ARHGAP10: variants seen among roughly 807,000 people sequenced by gnomAD.
ARHGAP10 encodes rho GTPase-activating protein 10.
ARHGAP10 carries 87 observed loss-of-function variants against 108.6 expected under a neutral mutation model. The observed-to-expected ratio is 0.80, with a 90% CI of 0.67 to 0.96. The LOEUF (loss-of-function observed/expected upper bound fraction) is 0.96. Among genes scored for constraint, ARHGAP10 ranks in the 40% least tolerant of loss-of-function variants. The pLI, the probability that ARHGAP10 is intolerant of heterozygous loss-of-function variation, is 0.00. For synonymous variants in ARHGAP10, 347 were observed against 341.1 expected (o/e 1.02, Z -0.19); for missense variants, 939 against 954.5 (o/e 0.98, Z 0.21).
At chr4:147,976,899 G>A (rs1003056406) in intron 18 of ARHGAP10, among the ~76,000 whole-genome samples, 1 of 152,208 alleles carries the variant, frequency 6.6e-6, no homozygotes, top group Non-Finnish European at 1.5e-5. Context: ...ATTCTGTGTT[G>A]TCTGAGAAAG....
At chr4:148,070,263 G>A (rs1041157727) in intron 22 of ARHGAP10, among the ~76,000 whole-genome samples, 6 of 152,190 alleles carry the variant, frequency 3.9e-5, no homozygotes, top group Non-Finnish European at 7.3e-5. Context: ...TCCTGGAAGT[G>A]GGGGGATGCT....
chr4:147,845,641 C>T lies in ARHGAP10; in HGVS notation c.313-1510C>T, dbSNP rs143305866. Among the ~76,000 whole-genome samples, 82 of 152,142 alleles carry T rather than the reference C, an allele frequency of 5.4e-4. No homozygotes were observed. The South Asian group carries it at 8.3e-3, about 15-fold the overall frequency. ...GTGATCCCTGCAGTTCATTCTGGGC[C>T]GACTTCTTTCTTGAGTGTACCAGTT... On this transcript the variant is annotated intron_variant, in intron 3 of 22. Coordinates refer to ENST00000336498, the MANE Select transcript of ARHGAP10 (RefSeq NM_024605.4).
intron 1 of ARHGAP10, among the ~76,000 whole-genome samples, chr4:147,756,130 C>CA (rs11355244): frequency 0.021 from 2,012 of 95,842 alleles, 39 homozygotes; most frequent in African/African-American, 0.068. Flanking sequence ...TACTAGGAGG[C>CA]AAAAAAAAAA....
At chr4:147,939,928 T>G (rs201248212) in intron 14 of ARHGAP10, 29 bp downstream of exon 14, 54 of 1,558,264 alleles carry the variant, frequency 3.5e-5, no homozygotes, top group Non-Finnish European at 4.3e-5. Flanking sequence ...CATTTTTCCA[T>G]GTGTTATTTG....
At chr4:147,769,036 C>G (rs1361737038) in intron 1 of ARHGAP10, among the ~76,000 whole-genome samples, 1 of 151,950 alleles carries the variant, frequency 6.6e-6, no homozygotes, top group Non-Finnish European at 1.5e-5. Flanking sequence ...CTGCGTCCAG[C>G]CTTCATTCAG....
intron 5 of ARHGAP10, among the ~76,000 whole-genome samples, chr4:147,860,042 T>C (rs933527573): frequency 6.6e-6 from 1 of 152,228 alleles, no homozygotes; most frequent in African/African-American, 2.4e-5. Flanking sequence ...ATGCTAATTT[T>C]CAGTGAATTG....
chr4:147,874,562 T>G (rs1239821468), intron 7 of ARHGAP10, among the ~76,000 whole-genome samples: 2 of 152,232 alleles, frequency 1.3e-5, no homozygotes, highest in African/African-American at 2.4e-5. Flanking sequence ...AAAGAAGAAT[T>G]AAACTTTTTC....
chr4:147,967,356 G>A (rs1243215519), intron 18 of ARHGAP10, among the ~76,000 whole-genome samples: 1 of 152,230 alleles, frequency 6.6e-6, no homozygotes, highest in African/African-American at 2.4e-5. Flanking sequence ...CTTGCAAAGA[G>A]TCTTTCTGGT....
At chr4:147,962,766 C>T (rs925633833) in intron 16 of ARHGAP10, among the ~76,000 whole-genome samples, 2 of 152,112 alleles carry the variant, frequency 1.3e-5, no homozygotes, top group Non-Finnish European at 2.9e-5. Flanking sequence ...TGGGTTCAGG[C>T]ACTTTTCCCA....
chr4:147,764,210 A>G (rs1463160824), intron 1 of ARHGAP10, among the ~76,000 whole-genome samples: 1 of 152,158 alleles, frequency 6.6e-6, no homozygotes, highest in Non-Finnish European at 1.5e-5. Flanking sequence ...TGTTTGGGGT[A>G]TTGATCGAGC....
At chr4:147,949,859 G>A (rs751822456) in intron 15 of ARHGAP10, among the ~76,000 whole-genome samples, 17 of 151,978 alleles carry the variant, frequency 1.1e-4, no homozygotes, top group Non-Finnish European at 1.6e-4. Flanking sequence ...CCTCCATTCC[G>A]TATGGTTCTT....
intron 1 of ARHGAP10, among the ~76,000 whole-genome samples, chr4:147,800,180 T>G (rs1042645876): frequency 3.3e-5 from 5 of 152,106 alleles, no homozygotes; most frequent in Admixed American, 1.3e-4. Flanking sequence ...TGTCTCCCAG[T>G]GGGGGAAACG....
intron 18 of ARHGAP10, among the ~76,000 whole-genome samples, chr4:148,018,915 C>G (rs917612547): frequency 6.6e-6 from 1 of 152,188 alleles, no homozygotes; most frequent in Non-Finnish European, 1.5e-5. Context: ...ATGTGTGGAA[C>G]AGTACTTACC....
rs575201109 is a variant in ARHGAP10, at chr4:147,877,345, G to A, written c.833-1887G>A. On this transcript the variant is annotated intron_variant, in intron 8 of 22. Transcript: ENST00000336498. ...CAATGTTTCCCAAATTCAGGTCTTT[G>A]GACTGATGATGGTCTGAGATAAAAT... Among the ~76,000 whole-genome samples, 69 of 152,088 alleles carry A rather than the reference G, an allele frequency of 4.5e-4. 1 individual carries two copies. In the South Asian group the frequency reaches 0.014, roughly 30 times the overall value.
chr4:148,026,010 T>G lies in ARHGAP10; in HGVS notation c.1867+2597T>G, dbSNP rs759502159. On this transcript the variant is annotated intron_variant, in intron 19 of 22. Coordinates refer to ENST00000336498, the MANE Select transcript of ARHGAP10 (RefSeq NM_024605.4). ...GTGACTCATTGTAGTGTAAGTTAAT[T>G]TGAATTAATTAAATACAGGATGAAT... 8.7e-4 allele frequency among the ~76,000 whole-genome samples: 133 copies of G among 152,296 alleles called. 2 individuals carry two copies. Among genetic ancestry groups the G allele is most frequent in the Non-Finnish European group, 5.7e-4 (39 of 68,028 alleles).
At chr4:148,068,174 G>T (rs1729983249) in intron 22 of ARHGAP10, among the ~76,000 whole-genome samples, 1 of 152,176 alleles carries the variant, frequency 6.6e-6, no homozygotes, top group Non-Finnish European at 1.5e-5. Flanking sequence ...GGCAGTGGTT[G>T]CCTCCTCAGG....
intron 18 of ARHGAP10, among the ~76,000 whole-genome samples, chr4:147,969,404 C>T (rs1024185835): frequency 7.0e-6 from 1 of 142,954 alleles, no homozygotes; most frequent in African/African-American, 2.6e-5. Context: ...TATTAAGCCT[C>T]ATTAGTGTGC....
intron 13 of ARHGAP10, among the ~76,000 whole-genome samples, chr4:147,919,567 ATT>A (rs67509221): frequency 6.0e-5 from 9 of 149,996 alleles, no homozygotes; most frequent in Non-Finnish European, 8.9e-5. Flanking sequence ...TTTAAAAACA[ATT>A]TTTTTTTCTT....
intron 1 of ARHGAP10, among the ~76,000 whole-genome samples, chr4:147,794,198 A>C (rs983277336): frequency 1.3e-5 from 2 of 152,322 alleles, no homozygotes; most frequent in East Asian, 1.9e-4. Flanking sequence ...AGAGGTTGTG[A>C]GTGATTCATT....
Sources: allele counts gnomAD v4.1 joint callset (sites outside exome capture counted in the v4.1 genomes callset), GRCh38; gene constraint gnomAD v4.1.1; transcripts MANE v1.5; gene names NCBI Gene and HGNC (gene_info 2026-07-23, HGNC 2026-07-21).